The following LOC128462377 variants were observed in gnomAD, a reference collection of about 807,000 sequenced individuals.
At chr16:89,380,879 C>T in the LOC128462377 span, among the ~76,000 whole-genome samples, 1 of 152,224 alleles carries the variant, frequency 6.6e-6, no homozygotes, top group African/African-American at 2.4e-5. Context: ...CGGGGCAATG[C>T]AGCTCAGAGG....
the LOC128462377 span, among the ~76,000 whole-genome samples, chr16:89,403,197 G>A: frequency 6.6e-6 from 1 of 152,146 alleles, no homozygotes; most frequent in Non-Finnish European, 1.5e-5. Context: ...CACTCCCTAG[G>A]GCCTGATCCG....
At chr16:89,323,103 G>C in the LOC128462377 span, 3 of 318,672 alleles carry the variant, frequency 9.4e-6, no homozygotes, top group Non-Finnish European at 1.8e-5. Context: ...TTCCAGCTGA[G>C]CCCTGCCGGC....
chr16:89,345,584 C>T, the LOC128462377 span, among the ~76,000 whole-genome samples: 2 of 152,206 alleles, frequency 1.3e-5, no homozygotes, highest in Non-Finnish European at 2.9e-5. Context: ...GAACCAGTCT[C>T]AGGCATTTTG....
the LOC128462377 span, among the ~76,000 whole-genome samples, chr16:89,377,995 TAAC>T: frequency 3.1e-3 from 476 of 152,260 alleles, 5 homozygotes; most frequent in African/African-American, 0.011. Flanking sequence ...ATGATTTTCT[TAAC>T]AACACCTTCT....
At chr16:89,324,729 A>C in the LOC128462377 span, 44 of 327,392 alleles carry the variant, frequency 1.3e-4, no homozygotes, top group Non-Finnish European at 2.2e-4. Flanking sequence ...TTGGACCTAC[A>C]CCAGTGGTTT....
the LOC128462377 span, chr16:89,392,488 G>C: frequency 6.6e-6 from 1 of 152,084 alleles, no homozygotes; most frequent in Non-Finnish European, 1.5e-5. Flanking sequence ...TTTTGAAAAT[G>C]TCTCAATGGG....
chr16:89,397,400 C>T, the LOC128462377 span, among the ~76,000 whole-genome samples: 1 of 152,224 alleles, frequency 6.6e-6, no homozygotes, highest in Non-Finnish European at 1.5e-5. Context: ...TGAAGCTTTC[C>T]GTGTCCTCAG....
At chr16:89,365,995 A>G in the LOC128462377 span, among the ~76,000 whole-genome samples, 1 of 152,104 alleles carries the variant, frequency 6.6e-6, no homozygotes, top group Non-Finnish European at 1.5e-5. Context: ...TTTGTTAAGG[A>G]TAAGGGCCTC....
the LOC128462377 span, among the ~76,000 whole-genome samples, chr16:89,362,557 G>T: frequency 6.6e-6 from 1 of 152,234 alleles, no homozygotes; most frequent in East Asian, 1.9e-4. Context: ...GTAAAAAGTA[G>T]AAGTTCCTCT....
chr16:89,324,109 C>T, the LOC128462377 span: 1 of 576,442 alleles, frequency 1.7e-6, no homozygotes, highest in Admixed American at 4.8e-5. Flanking sequence ...CTCGGCCTCC[C>T]AAAGTGCCCC....
At chr16:89,355,594 C>A in the LOC128462377 span, among the ~76,000 whole-genome samples, 750 of 152,160 alleles carry the variant, frequency 4.9e-3, 5 homozygotes, top group South Asian at 0.012. Flanking sequence ...ACAACCAACT[C>A]AAAAATAGAC....
At chr16:89,354,220 T>G in the LOC128462377 span, among the ~76,000 whole-genome samples, 2 of 137,642 alleles carry the variant, frequency 1.5e-5, no homozygotes, top group Non-Finnish European at 3.1e-5. Context: ...TTTACATATA[T>G]ATAACTAAAT....
At chr16:89,334,558 G>A in the LOC128462377 span, among the ~76,000 whole-genome samples, 1 of 152,026 alleles carries the variant, frequency 6.6e-6, no homozygotes. Context: ...GTGGGCATGC[G>A]GCATGCTATG....
the LOC128462377 span, among the ~76,000 whole-genome samples, chr16:89,418,028 T>C: frequency 6.6e-6 from 1 of 152,194 alleles, no homozygotes. Flanking sequence ...TTATAGGCTA[T>C]TAACAACCTA....
At chr16:89,335,858 AG>A in the LOC128462377 span, among the ~76,000 whole-genome samples, 1 of 152,284 alleles carries the variant, frequency 6.6e-6, no homozygotes, top group Non-Finnish European at 1.5e-5. Context: ...GTGCTTCTAA[AG>A]GGCTAGGAGA....
At chr16:89,411,218 G>C in the LOC128462377 span, among the ~76,000 whole-genome samples, 4 of 152,266 alleles carry the variant, frequency 2.6e-5, no homozygotes, top group African/African-American at 9.6e-5. Flanking sequence ...CCCCTCTCGT[G>C]TGTGCTGGTG....
the LOC128462377 span, among the ~76,000 whole-genome samples, chr16:89,362,238 C>T: frequency 1.3e-5 from 2 of 152,232 alleles, no homozygotes; most frequent in Admixed American, 1.3e-4. Flanking sequence ...ACAAACTGAA[C>T]GGCACATATG....
the LOC128462377 span, among the ~76,000 whole-genome samples, chr16:89,416,782 A>T: frequency 6.6e-6 from 1 of 151,294 alleles, no homozygotes; most frequent in Non-Finnish European, 1.5e-5. Context: ...AAAAAAAAAA[A>T]TTAAAAAAAG....
At chr16:89,407,375 C>T in the LOC128462377 span, among the ~76,000 whole-genome samples, 1 of 152,032 alleles carries the variant, frequency 6.6e-6, no homozygotes, top group Non-Finnish European at 1.5e-5. Flanking sequence ...AAAGAGACAA[C>T]GAGATAAAAG....
Sources: allele counts gnomAD v4.1 joint callset (sites outside exome capture counted in the v4.1 genomes callset), GRCh38; gene constraint gnomAD v4.1.1; transcripts MANE v1.5.